Variants in DNAH3 observed in about 807,000 individuals in gnomAD.
DNAH3 encodes the protein dynein axonemal heavy chain 3.
In DNAH3, 332 loss-of-function variants were observed where a neutral mutation model predicts 432.5. That is an observed-to-expected ratio of 0.77 (90% CI 0.70 to 0.84). The LOEUF is 0.84. Among genes scored for constraint, DNAH3 ranks in the 40% least tolerant of loss-of-function variants. The pLI is 0.00. For synonymous variants in DNAH3, 1,956 were observed against 1,900.2 expected (o/e 1.03, Z -0.76); for missense variants, 4,861 against 5,114.0 (o/e 0.95, Z 1.51).
chr16:20,962,482 AAGGG>A (rs1440860161), intron 53 of DNAH3, among the ~76,000 whole-genome samples: 1 of 152,184 alleles, frequency 6.6e-6, no homozygotes, highest in African/African-American at 2.4e-5. Flanking sequence ...GAAACTGTAT[AAGGG>A]AGGGAGTGGG....
rs892170761 is a variant in DNAH3, at chr16:21,107,621, A to G, written c.2100-947T>C. The stretch of plus-strand genomic sequence containing the variant: ...TCCCTCTTGGCAGAGAAAATGTTCC[A>G]TTACTGGGACTACCAGGTCTAACTG... On this transcript the variant is annotated intron_variant, in intron 14 of 61. Coordinates refer to ENST00000261383, the Ensembl canonical transcript of DNAH3. 9.2e-5 allele frequency among the ~76,000 whole-genome samples: 14 copies of G among 152,286 alleles called. 1 individual carries two copies. Among genetic ancestry groups the G allele is most frequent in the Admixed American group, 2.0e-4 (3 of 15,282 alleles).
At chr16:21,030,135 C>T (rs2088799863) in intron 37 of DNAH3, among the ~76,000 whole-genome samples, 1 of 152,168 alleles carries the variant, frequency 6.6e-6, no homozygotes, top group Non-Finnish European at 1.5e-5. Context: ...CCCATATGCA[C>T]TTTTGCAATG....
intron 56 of DNAH3, among the ~76,000 whole-genome samples, chr16:20,949,152 C>T (rs1022442335): frequency 1.3e-5 from 2 of 150,930 alleles, no homozygotes; most frequent in Non-Finnish European, 2.9e-5. Flanking sequence ...GTGCAAGTGC[C>T]AAAGTCTGTC....
At chr16:20,976,067 A>T (rs952248165) in intron 50 of DNAH3, among the ~76,000 whole-genome samples, 1 of 150,412 alleles carries the variant, frequency 6.6e-6, no homozygotes, top group African/African-American at 2.4e-5. Context: ...TTTAAACTAC[A>T]TTTTTTTCTT....
chr16:20,983,044 G>A (rs1343334260), intron 48 of DNAH3, 158 bp from the exon 49 acceptor site: 26 of 668,814 alleles, frequency 3.9e-5, no homozygotes, highest in Non-Finnish European at 6.1e-5. Flanking sequence ...GAGTGCCTGG[G>A]AAATGCGGGC....
intron 58 of DNAH3, among the ~76,000 whole-genome samples, chr16:20,942,867 T>C (rs2083877721): frequency 6.6e-6 from 1 of 152,114 alleles, no homozygotes; most frequent in Non-Finnish European, 1.5e-5. Context: ...TTGAGTCACA[T>C]GGTGAGAAAG....
exon 50 of DNAH3, chr16:20,979,381 C>T (rs147761525): frequency 5.6e-6 from 9 of 1,614,010 alleles, no homozygotes; most frequent in African/African-American, 5.3e-5. Context: ...AGCGGTTCCT[C>T]ATCATAGCCA....
intron 23 of DNAH3, among the ~76,000 whole-genome samples, 191 bp from the exon 24 acceptor site, chr16:21,067,610 G>A (rs566042464): frequency 6.6e-6 from 1 of 152,070 alleles, no homozygotes; most frequent in East Asian, 1.9e-4. Flanking sequence ...ATGGTTGACT[G>A]GGCAGGGATT....
intron 24 of DNAH3, 150 bp downstream of exon 24, chr16:21,067,133 G>T (rs1349239371): frequency 2.5e-6 from 2 of 808,560 alleles, no homozygotes; most frequent in African/African-American, 1.7e-5. Context: ...GTGAAGCCAT[G>T]CCCCATTCCT....
chr16:21,019,388 G>A (rs1449642753), intron 41 of DNAH3: 11 of 540,668 alleles, frequency 2.0e-5, no homozygotes, highest in Non-Finnish European at 3.6e-5. Flanking sequence ...TTGAACTGCT[G>A]ACCTCAAGTG....
In DNAH3 at chr16:21,023,786, G is replaced by GTGTGTGT. The variant is rs1567654144; in HGVS notation, c.5646+809_5646+810insACACACA. Among the ~76,000 whole-genome samples the GTGTGTGT allele has an allele frequency of 1.0e-3, 151 of 146,482 alleles. 2 individuals carry two copies. Among genetic ancestry groups the GTGTGTGT allele is most frequent in the African/African-American group, 3.5e-3 (140 of 39,676 alleles). On this transcript the variant is annotated intron_variant, in intron 39 of 61. Coordinates refer to ENST00000261383, the Ensembl canonical transcript of DNAH3. Reference sequence around the variant, plus strand: ...TATATGGGGACTTGGCAGCTTTTGGGGTGTGTGTGTGTGTGTGTGTGTGTG... The same window carrying GTGTGTGT: ...TATATGGGGACTTGGCAGCTTTTGGGTGTGTGTGTGTGTGTGTGTGTGTGTGTGTGTG...
chr16:20,964,403 T>A, exon 53 of DNAH3: 1 of 1,614,166 alleles, frequency 6.2e-7, no homozygotes, highest in Non-Finnish European at 8.5e-7. Flanking sequence ...TATTCAATGA[T>A]GTTTTCACCC....
At chr16:20,953,707 G>A (rs2084423927) in intron 55 of DNAH3, among the ~76,000 whole-genome samples, 1 of 151,962 alleles carries the variant, frequency 6.6e-6, no homozygotes, top group Non-Finnish European at 1.5e-5. Flanking sequence ...AAGTAGCTGG[G>A]ACTACAGGCT....
Position 21,019,755 on chromosome 16 carries a change from G to C in DNAH3, c.5891C>G (p.Ala1964Gly), listed in dbSNP as rs113652402. The change falls in exon 41 of 62, where the codon GCT becomes GGT. Residue 1964 changes from alanine (A) to glycine (G), a missense_variant. Physicochemically the swap from Ala to Gly is moderately conservative, Grantham distance 60. Coordinates refer to ENST00000261383, the Ensembl canonical transcript of DNAH3. ...TCTGCTGTCTGCGTTGATGGTGCCA[G>C]CCACGGTCCACACCAAGGAAAAGAG... 3.1e-5 allele frequency: 50 copies of C among 1,614,146 alleles called. No individual in the cohort carries two copies. In the African/African-American group the frequency reaches 5.9e-4, roughly 19 times the overall value.
chr16:20,963,123 T>C (rs1449374202), intron 53 of DNAH3, among the ~76,000 whole-genome samples, 161 bp downstream of exon 53: 8 of 152,150 alleles, frequency 5.3e-5, no homozygotes, highest in Admixed American at 3.9e-4. Flanking sequence ...CTGACCTCTA[T>C]AGGCAGAAAA....
intron 55 of DNAH3, 147 bp downstream of exon 55, chr16:20,954,666 T>C: frequency 1.2e-6 from 1 of 851,822 alleles, no homozygotes; most frequent in South Asian, 2.0e-5. Flanking sequence ...AGTATAAGTA[T>C]GTTCCAAATA....
At chr16:21,060,685 G>A (rs1044690772) in intron 25 of DNAH3, among the ~76,000 whole-genome samples, 1 of 150,154 alleles carries the variant, frequency 6.7e-6, no homozygotes, top group African/African-American at 2.4e-5. Context: ...CCACCACCGC[G>A]GCTGATGAAT....
intron 50 of DNAH3, among the ~76,000 whole-genome samples, chr16:20,978,221 T>C (rs2085685980): frequency 6.6e-6 from 1 of 152,064 alleles, no homozygotes; most frequent in Admixed American, 6.6e-5. Context: ...CCACTTAGTT[T>C]TTTCTTCTTT....
chr16:21,155,951 C>T (rs534478074), intron 1 of DNAH3, among the ~76,000 whole-genome samples: 2 of 152,046 alleles, frequency 1.3e-5, no homozygotes, highest in Admixed American at 1.3e-4. Context: ...AGTTTCAATC[C>T]TTGGAGGCTA....
Sources: allele counts gnomAD v4.1 joint callset (sites outside exome capture counted in the v4.1 genomes callset), GRCh38; gene constraint gnomAD v4.1.1; transcripts MANE v1.5; gene names NCBI Gene and HGNC (gene_info 2026-07-23, HGNC 2026-07-21).